Variants in IFT122 observed in about 807,000 individuals in gnomAD.
The protein encoded by IFT122 is intraflagellar transport protein 122 homolog.
Under a neutral mutation model 161.6 loss-of-function variants are expected in IFT122, and 118 were observed. That is an observed-to-expected ratio of 0.73 (90% CI 0.63 to 0.85). IFT122 has a LOEUF of 0.85. IFT122 is among the 40% of genes least tolerant of loss of function. The pLI is 0.00. For synonymous variants in IFT122, 550 were observed against 602.4 expected, an observed-to-expected ratio of 0.91 and a Z score of 1.27; for missense variants, 1,381 against 1,579.6, an observed-to-expected ratio of 0.87 and a Z score of 2.13.
At position 129,499,996 on chromosome 3, in the gene IFT122, T is replaced by C. The variant is rs368409235; in HGVS notation, c.2303T>C (p.Val768Ala). The C allele has an allele frequency of 2.0e-5, 33 of 1,614,120 alleles. No homozygotes were observed. Among genetic ancestry groups the C allele is most frequent in the Non-Finnish European group, 2.0e-5 (24 of 1,180,040 alleles). Reference sequence around the variant, plus strand: ...AATATCAAGGAGCCCAAAGCCGCCGTGGAGATGTACATCTCAGCAGGAGAG... The same window carrying C: ...AATATCAAGGAGCCCAAAGCCGCCGCGGAGATGTACATCTCAGCAGGAGAG... Reference protein sequence around the residue: ...ARNIKEPKAAVEMYISAGEHV... With the variant: ...ARNIKEPKAAAEMYISAGEHV... The change falls in exon 19 of 30, where the codon GTG becomes GCG. Residue 768 changes from valine (V) to alanine (A), a missense_variant. Physicochemically the swap from Val to Ala is moderately conservative, Grantham distance 64. Around this residue, in one of 7 missense-constraint regions of IFT122, gnomAD observed 496 missense variants for 502.5 expected, o/e 0.99. Transcript: ENST00000348417.
At chr3:129,468,310 G>T (rs1238947438) in intron 8 of IFT122, among the ~76,000 whole-genome samples, 1 of 152,108 alleles carries the variant, frequency 6.6e-6, no homozygotes, top group African/African-American at 2.4e-5. Flanking sequence ...GCAACATTAG[G>T]TGGATTAAGA....
Position 129,488,367 on chromosome 3 carries a change from A to C in IFT122, c.1962A>C (p.Leu654=). 6.2e-7 allele frequency: 1 copy of C among 1,612,928 alleles called. No homozygotes were observed. The highest frequency in any genetic ancestry group is 8.5e-7 in the Non-Finnish European group (1 of 1,179,964). The change falls in exon 16 of 30, where the codon CTA becomes CTC. Residue 654 remains leucine (L), a synonymous_variant. Coordinates refer to ENST00000348417, the MANE Select transcript of IFT122 (RefSeq NM_052989.3). ...GGCGTGAACTGGCCATGGAAGCGCTAGAAGGTTTAGATTTTGAAACAGCAA... is the reference window on the plus strand; with the variant it reads ...GGCGTGAACTGGCCATGGAAGCGCTCGAAGGTTTAGATTTTGAAACAGCAA... The part of the protein sequence containing the change: ...TDWRELAMEA[L]EGLDFETAKK...
intron 4 of IFT122, 52 bp downstream of exon 4, chr3:129,458,729 G>A: frequency 2.3e-6 from 3 of 1,332,720 alleles, no homozygotes; most frequent in Non-Finnish European, 3.2e-6. Flanking sequence ...TTGAATAATT[G>A]CAGCAAAAGC....
chr3:129,466,492 A>C (rs954283821), intron 7 of IFT122, among the ~76,000 whole-genome samples: 3 of 102,188 alleles, frequency 2.9e-5, no homozygotes, highest in Admixed American at 9.9e-5. Context: ...TTTTATTTTT[A>C]TTCTTTTTTT....
At chr3:129,481,425 G>A (rs2078629359) in intron 13 of IFT122, 105 bp from the exon 14 acceptor site, 1 of 1,020,672 alleles carries the variant, frequency 9.8e-7, no homozygotes, top group Non-Finnish European at 1.5e-6. Context: ...TGGTGAAGGT[G>A]GTGGGAGTTG....
intron 3 of IFT122, among the ~76,000 whole-genome samples, chr3:129,452,463 G>A (rs968696769): frequency 5.9e-5 from 9 of 152,146 alleles, no homozygotes; most frequent in Non-Finnish European, 8.8e-5. Flanking sequence ...GTGAGGGTGG[G>A]CTCATTGAGA....
At chr3:129,479,610 G>A (rs2078392474) in intron 12 of IFT122, among the ~76,000 whole-genome samples, 175 bp from the exon 13 acceptor site, 1 of 152,180 alleles carries the variant, frequency 6.6e-6, no homozygotes, top group Non-Finnish European at 1.5e-5. Context: ...CCGTGGGGAA[G>A]CCTTGCATGG....
chr3:129,440,594 G>C (rs1288834612), intron 1 of IFT122, among the ~76,000 whole-genome samples: 1 of 152,216 alleles, frequency 6.6e-6, no homozygotes, highest in African/African-American at 2.4e-5. Context: ...TGAGGTGGTG[G>C]CGGGTGGAGG....
intron 18 of IFT122, among the ~76,000 whole-genome samples, chr3:129,497,822 G>A (rs920364154): frequency 3.1e-5 from 4 of 129,926 alleles, no homozygotes; most frequent in African/African-American, 5.5e-5. Context: ...CCTGATTAAC[G>A]TGGCATATTT....
At chr3:129,491,993 TG>T (rs1395914422) in intron 16 of IFT122, 147 bp from the exon 17 acceptor site, 2 of 753,530 alleles carry the variant, frequency 2.7e-6, no homozygotes, top group South Asian at 2.8e-5. Context: ...TATAACCTCC[TG>T]CACGCACGAT....
chr3:129,486,495 C>T (rs879941234), intron 15 of IFT122, among the ~76,000 whole-genome samples: 7 of 152,126 alleles, frequency 4.6e-5, no homozygotes, highest in Non-Finnish European at 7.3e-5. Context: ...TACTTACTGA[C>T]GGACTTTAGA....
chr3:129,466,999 A>G lies in IFT122; in HGVS notation c.673A>G (p.Ser225Gly). 1 of 1,614,212 alleles carries G rather than the reference A, an allele frequency of 6.2e-7. No homozygotes were observed. Reference sequence around the variant, plus strand: ...CACTCTGAAGTCAGCAGTGTACAGTAGTCAGGGTAGTGAGGCAGAGGAGGA... The same window carrying G: ...CACTCTGAAGTCAGCAGTGTACAGTGGTCAGGGTAGTGAGGCAGAGGAGGA... ...PSTLKSAVYSSQGSEAEEEEP... is the reference protein window; with the variant it reads ...PSTLKSAVYSGQGSEAEEEEP... Residue 225 changes from serine to glycine, a missense_variant, in exon 8 of 30, where the codon AGT (serine) becomes GGT (glycine). Physicochemically the swap from Ser to Gly is moderately conservative, Grantham distance 56 (BLOSUM62 0). Coordinates refer to ENST00000348417, the MANE Select transcript of IFT122 (RefSeq NM_052989.3).
intron 13 of IFT122, 91 bp downstream of exon 13, chr3:129,480,013 G>T: frequency 6.5e-7 from 1 of 1,528,672 alleles, no homozygotes; most frequent in South Asian, 1.1e-5. Context: ...TGGGTTCTCA[G>T]GGCAGGAAAA....
At chr3:129,486,270 G>A (rs149825238) in intron 15 of IFT122, among the ~76,000 whole-genome samples, 3 of 152,304 alleles carry the variant, frequency 2.0e-5, no homozygotes, top group African/African-American at 4.8e-5. Context: ...TTCGGGGAAG[G>A]AGCACCAGCT....
At chr3:129,474,002 T>A (rs530442339) in intron 9 of IFT122, among the ~76,000 whole-genome samples, 1 of 152,362 alleles carries the variant, frequency 6.6e-6, no homozygotes, top group South Asian at 2.1e-4. Context: ...CATGTCGTGA[T>A]TCATAAGAAT....
rs534497752 is a variant in IFT122 at position 129,446,544 on chromosome 3, A to G, written c.42-3327A>G. 2.0e-5 allele frequency among the ~76,000 whole-genome samples: 3 copies of G among 152,194 alleles called. No homozygotes were observed. The South Asian group carries it at 6.2e-4, about 32-fold the overall frequency. ...CTAGGTCCTTAGATAAGCTCAACCA[A>G]TTGTCAGAAAAATTTTAAATCAACC... is the stretch of plus-strand genomic sequence containing the variant. On this transcript the variant is annotated intron_variant, in intron 1 of 29. Transcript: ENST00000348417.
chr3:129,476,233 G>A, intron 9 of IFT122, 82 bp from the exon 10 acceptor site: 1 of 1,481,036 alleles, frequency 6.8e-7, no homozygotes, highest in South Asian at 1.2e-5. Flanking sequence ...TCTAAAGTTG[G>A]CGAGAAAAAG....
At position 129,464,483 on chromosome 3, in the gene IFT122, A is replaced by G. The variant is rs188407094; in HGVS notation, c.417-152A>G. ...ATAGCATTTTAAGTTTGATCCTCTG[A>G]CTTTATGTCAGGACCGGCAATAATG... On this transcript the variant is annotated intron_variant, in intron 6 of 29. Coordinates refer to ENST00000348417, the MANE Select transcript of IFT122 (RefSeq NM_052989.3). The G allele has an allele frequency of 5.5e-6, 5 of 905,544 alleles. No individual in the cohort carries two copies. In the East Asian group the frequency reaches 1.2e-4, roughly 22 times the overall value. The allele number at this position is 905,544 out of a possible 1,614,324, so 56.1% of individuals were successfully genotyped here.
intron 1 of IFT122, among the ~76,000 whole-genome samples, chr3:129,443,775 G>A (rs1328261311): frequency 6.6e-6 from 1 of 152,170 alleles, no homozygotes; most frequent in Non-Finnish European, 1.5e-5. Context: ...AGTTTAGATT[G>A]GGGCAAATCA....
Sources: gnomAD v4.1 joint callset for allele counts (sites outside exome capture counted in the v4.1 genomes callset) on GRCh38, gnomAD v4.1.1 for gene constraint, gnomAD v4.1.1 regional missense constraint, MANE v1.5 for transcripts, NCBI Gene and HGNC (gene_info 2026-07-23, HGNC 2026-07-21) for gene names.